GRXCR2: variants seen among roughly 807,000 people sequenced by gnomAD.
GRXCR2 encodes glutaredoxin and cysteine rich domain containing 2.
Under a neutral mutation model 24.8 loss-of-function variants are expected in GRXCR2, and 23 were observed. The ratio of observed to expected loss-of-function variants is 0.93; its 90% CI spans 0.67 to 1.32. The LOEUF (loss-of-function observed/expected upper bound fraction) is 1.32. Among genes scored for constraint, GRXCR2 ranks in the 40% most tolerant of loss-of-function variants. GRXCR2 has a pLI of 0.00. For missense variants in GRXCR2, 315 were observed against 303.4 expected (o/e 1.04, Z -0.28); for synonymous variants, 130 against 116.1 (o/e 1.12, Z -0.77).
chr5:145,869,199 G>A (rs1358278107), intron 1 of GRXCR2, among the ~76,000 whole-genome samples: 1 of 152,166 alleles, frequency 6.6e-6, no homozygotes, highest in African/African-American at 2.4e-5. Flanking sequence ...AATGTTGTTT[G>A]ACAACTGTAT....
In GRXCR2 at chr5:145,866,668, G is replaced by T. The variant is rs756784401; in HGVS notation, c.397C>A (p.Arg133=). 1.2e-6 allele frequency: 2 copies of T among 1,613,632 alleles called. No individual in the cohort carries two copies. The highest frequency in any genetic ancestry group is 1.1e-5 in the South Asian group (1 of 91,072). The stretch of plus-strand genomic sequence containing the variant: ...AAATCTCTCTTGTCCATTGGGGTTC[G>T]AATGATTTTCAGGTTATTAGTGTAG... The part of the protein sequence containing the change: ...IIYTNNLKII[R]TPMDKRDFVR... The change falls in exon 2 of 3, where the codon CGA becomes AGA. Residue 133 remains arginine (R), a synonymous_variant. Coordinates refer to ENST00000377976, the MANE Select transcript of GRXCR2 (RefSeq NM_001080516.2).
chr5:145,901,196 A>G (rs1381130521), intron 2 of GRXCR2, among the ~76,000 whole-genome samples: 1 of 152,040 alleles, frequency 6.6e-6, no homozygotes, highest in Non-Finnish European at 1.5e-5. Flanking sequence ...ACTATTGCAT[A>G]CTATGTTCAG....
At chr5:145,894,918 A>G (rs1264225032) in intron 2 of GRXCR2, among the ~76,000 whole-genome samples, 1 of 152,174 alleles carries the variant, frequency 6.6e-6, no homozygotes, top group Non-Finnish European at 1.5e-5. Flanking sequence ...CCAGCAGCCC[A>G]CCAAAAAGCT....
chr5:145,867,765 C>T (rs1465398278), intron 1 of GRXCR2, among the ~76,000 whole-genome samples: 1 of 152,024 alleles, frequency 6.6e-6, no homozygotes, highest in Non-Finnish European at 1.5e-5. Flanking sequence ...GTCATGTAAC[C>T]TCTCAACTTC....
chr5:145,866,391 T>G, intron 2 of GRXCR2, 110 bp downstream of exon 2: 3 of 684,630 alleles, frequency 4.4e-6, no homozygotes, highest in Non-Finnish European at 7.7e-6. Flanking sequence ...TTAGGTATCT[T>G]AAGTATTCAT....
At chr5:145,906,771 G>C (rs904736822) in intron 2 of GRXCR2, among the ~76,000 whole-genome samples, 1 of 152,298 alleles carries the variant, frequency 6.6e-6, no homozygotes, top group Non-Finnish European at 1.5e-5. Flanking sequence ...ATAGACAAAA[G>C]TTCCTTCCCT....
intron 2 of GRXCR2, among the ~76,000 whole-genome samples, chr5:145,883,792 G>A (rs552924932): frequency 2.0e-5 from 3 of 152,310 alleles, no homozygotes; most frequent in South Asian, 2.1e-4. Context: ...CTGAGGTGGA[G>A]TGAAAGGATC....
chr5:145,901,932 A>T (rs1278959949), intron 2 of GRXCR2, among the ~76,000 whole-genome samples: 2 of 152,214 alleles, frequency 1.3e-5, no homozygotes, highest in African/African-American at 4.8e-5. Flanking sequence ...AATGAGAAGT[A>T]GGCAGATTCC....
rs1399596577 is a variant in GRXCR2 at position 145,873,013 on chromosome 5, G to C, written c.-45C>G. ...TGGTCTCCAGCCTTCCGTGCAGCCG[G>C]TGAAACTTGGGCCTCTGAGAAAAAG... On this transcript the variant is annotated 5_prime_UTR_variant, in exon 1 of 3. Coordinates refer to ENST00000377976, the MANE Select transcript of GRXCR2 (RefSeq NM_001080516.2). 5 of 1,504,846 alleles carry C rather than the reference G, an allele frequency of 3.3e-6. No homozygotes were observed. Among genetic ancestry groups the C allele is most frequent in the East Asian group, 2.3e-5 (1 of 44,212 alleles). 93.2% of individuals were successfully genotyped at this position (1,504,846 alleles called of 1,614,324 possible). A position where few individuals can be genotyped will look rare whatever the true frequency, so the allele number is the denominator to read the frequency against.
At chr5:145,873,719 C>T (rs1756569428), upstream of GRXCR2, among the ~76,000 whole-genome samples, 1 of 152,194 alleles carries the variant, frequency 6.6e-6, no homozygotes, top group South Asian at 2.1e-4. Flanking sequence ...GGGCCTTCTC[C>T]CCCTACGCTA....
chr5:145,924,485 G>A (rs1441844924), intron 2 of GRXCR2, among the ~76,000 whole-genome samples: 1 of 152,128 alleles, frequency 6.6e-6, no homozygotes, highest in Non-Finnish European at 1.5e-5. Context: ...AGATTAACCT[G>A]ATGTTACTCT....
chr5:145,892,671 G>A (rs1053875802), intron 2 of GRXCR2, among the ~76,000 whole-genome samples: 5 of 152,344 alleles, frequency 3.3e-5, no homozygotes, highest in South Asian at 4.1e-4. Context: ...GTACCTGAAA[G>A]TGATGGGGAG....
chr5:145,911,627 T>C (rs1307269295), intron 2 of GRXCR2, among the ~76,000 whole-genome samples: 1 of 152,194 alleles, frequency 6.6e-6, no homozygotes, highest in African/African-American at 2.4e-5. Flanking sequence ...CAGGTGGAAC[T>C]CAGATATTGG....
chr5:145,865,892 C>T (rs2149909492), intron 2 of GRXCR2, among the ~76,000 whole-genome samples: 1 of 152,164 alleles, frequency 6.6e-6, no homozygotes, highest in South Asian at 2.1e-4. Context: ...AATCCCAGCA[C>T]TTTGGGAGGC....
intron 2 of GRXCR2, among the ~76,000 whole-genome samples, chr5:145,918,292 G>A (rs775066961): frequency 6.6e-5 from 10 of 152,098 alleles, no homozygotes; most frequent in Non-Finnish European, 1.0e-4. Context: ...CCCACTTTAC[G>A]GAGGAGGAAG....
chr5:145,890,214 T>G (rs889080836), intron 2 of GRXCR2, among the ~76,000 whole-genome samples: 1 of 152,192 alleles, frequency 6.6e-6, no homozygotes, highest in African/African-American at 2.4e-5. Flanking sequence ...CTCAACCTCC[T>G]GAATACCTGG....
intron 2 of GRXCR2, among the ~76,000 whole-genome samples, chr5:145,892,448 G>T (rs1756881969): frequency 6.6e-6 from 1 of 152,164 alleles, no homozygotes; most frequent in Non-Finnish European, 1.5e-5. Context: ...AGGACCTGAT[G>T]GAGCTGAAAA....
At chr5:145,891,579 C>G (rs1325715923) in intron 2 of GRXCR2, among the ~76,000 whole-genome samples, 1 of 152,146 alleles carries the variant, frequency 6.6e-6, no homozygotes, top group Non-Finnish European at 1.5e-5. Flanking sequence ...AGCAGCGAGG[C>G]TGGGGGAGGG....
At chr5:145,892,401 T>C (rs1292300990) in intron 2 of GRXCR2, among the ~76,000 whole-genome samples, 1 of 151,972 alleles carries the variant, frequency 6.6e-6, no homozygotes, top group African/African-American at 2.4e-5. Flanking sequence ...ATTAGATGAA[T>C]GGCTAACTAG....
Sources: gnomAD v4.1 joint callset for allele counts (sites outside exome capture counted in the v4.1 genomes callset) on GRCh38, gnomAD v4.1.1 for gene constraint, MANE v1.5 for transcripts, NCBI Gene and HGNC (gene_info 2026-07-23, HGNC 2026-07-21) for gene names.